Variants in RORA observed in about 807,000 individuals in gnomAD.
The protein encoded by RORA is nuclear receptor ROR-alpha.
Under a neutral mutation model 69.5 loss-of-function variants are expected in RORA, and 7 were observed. The observed-to-expected ratio is 0.10, with a 90% CI of 0.06 to 0.19. The LOEUF (loss-of-function observed/expected upper bound fraction) is 0.19, where lower values mean the gene tolerates loss of function less well. RORA is among the 10% of genes least tolerant of loss of function. RORA has a pLI of 1.00. For missense variants in RORA, 457 were observed against 663.0 expected (o/e 0.69, Z 3.41); for synonymous variants, 261 against 240.8 (o/e 1.08, Z -0.78).
chr15:60,503,408 A>G (rs957192370), intron 7 of RORA, 127 bp downstream of exon 7: 10 of 845,426 alleles, frequency 1.2e-5, no homozygotes, highest in Non-Finnish European at 1.8e-5. Context: ...ATTTCTGCTA[A>G]GAAAAACCTG....
In RORA at chr15:60,501,047, A is replaced by G. The variant is rs747409337; in HGVS notation, c.1206T>C (p.Phe402=). The G allele has an allele frequency of 1.2e-6, 2 of 1,602,310 alleles. No individual in the cohort carries two copies. Among genetic ancestry groups the G allele is most frequent in the Non-Finnish European group, 1.7e-6 (2 of 1,170,262 alleles). The part of the protein sequence containing the change: ...KSLGCEDFIS[F]VFEFGKSLCS... ...ATAAACTCTTTCCAAATTCAAACACAAAGCTAATAAAGTCTTCACAACCTG... is the reference window on the plus strand; with the variant it reads ...ATAAACTCTTTCCAAATTCAAACACGAAGCTAATAAAGTCTTCACAACCTG... Residue 402 remains phenylalanine, a synonymous_variant, in exon 9 of 11, where the codon TTT becomes TTC. Transcript: ENST00000335670.
At chr15:60,569,261 T>TAAAAAAAAA (rs60382168) in intron 2 of RORA, among the ~76,000 whole-genome samples, 7 of 89,612 alleles carry the variant, frequency 7.8e-5, no homozygotes, top group Non-Finnish European at 7.9e-5. Context: ...TTTAAAAAAT[T>TAAAAAAAAA]AAAAAAAAAA....
At chr15:60,763,403 A>G (rs1400173249) in intron 1 of RORA, among the ~76,000 whole-genome samples, 2 of 152,168 alleles carry the variant, frequency 1.3e-5, no homozygotes, top group Admixed American at 1.3e-4. Flanking sequence ...TGCAAGAAAA[A>G]AAGTTCCCTT....
chr15:60,838,921 C>T (rs2073158875), intron 1 of RORA, among the ~76,000 whole-genome samples: 1 of 149,450 alleles, frequency 6.7e-6, no homozygotes, highest in Non-Finnish European at 1.5e-5. Flanking sequence ...GGGTGTCTCA[C>T]TCTGTCACTC....
At chr15:60,648,252 TA>T (rs1181617965) in intron 2 of RORA, among the ~76,000 whole-genome samples, 19 of 152,258 alleles carry the variant, frequency 1.2e-4, no homozygotes, top group African/African-American at 4.6e-4. Context: ...TATATGAACA[TA>T]TTAAAGAAGG....
At chr15:61,186,959 G>C (rs1329809890) in intron 1 of RORA, among the ~76,000 whole-genome samples, 2 of 152,230 alleles carry the variant, frequency 1.3e-5, no homozygotes, top group Non-Finnish European at 2.9e-5. Flanking sequence ...CAATCTTGGA[G>C]GCAGCTGAGA....
At chr15:60,693,215 CA>C (rs1852959417) in intron 1 of RORA, among the ~76,000 whole-genome samples, 1 of 152,130 alleles carries the variant, frequency 6.6e-6, no homozygotes, top group African/African-American at 2.4e-5. Context: ...ATTATCTCAG[CA>C]GATGCAGAAA....
intron 1 of RORA, among the ~76,000 whole-genome samples, chr15:60,804,176 T>G (rs1567197000): frequency 6.7e-6 from 1 of 150,302 alleles, no homozygotes; most frequent in Non-Finnish European, 1.5e-5. Context: ...TAATCCCAGC[T>G]ACTTGGGAGG....
At position 60,774,684 on chromosome 15, in the gene RORA, T is replaced by C. The variant is rs747014455; in HGVS notation, c.167-95998A>G. ...CTTCCTTTACACTAAACTCATGAGA[T>C]ACACCACATTGGCCACTGGTATTTC... On this transcript the variant is annotated intron_variant, in intron 1 of 10. Transcript: ENST00000335670. Among the ~76,000 whole-genome samples, 5 of 152,190 alleles carry C rather than the reference T, an allele frequency of 3.3e-5. No homozygotes were observed. The South Asian group carries it at 1.0e-3, about 32-fold the overall frequency.
intron 1 of RORA, among the ~76,000 whole-genome samples, chr15:61,032,269 C>A (rs1012942570): frequency 6.6e-6 from 1 of 152,060 alleles, no homozygotes; most frequent in Non-Finnish European, 1.5e-5. Flanking sequence ...AAAATGTGAC[C>A]CAAATGTAAT....
chr15:60,703,026 A>G (rs1002732769), intron 1 of RORA, among the ~76,000 whole-genome samples: 1 of 152,146 alleles, frequency 6.6e-6, no homozygotes, highest in Non-Finnish European at 1.5e-5. Flanking sequence ...TTAATTGCAA[A>G]GTAATTAAGT....
intron 1 of RORA, among the ~76,000 whole-genome samples, chr15:61,170,769 T>C (rs780286126): frequency 6.6e-6 from 1 of 152,220 alleles, no homozygotes. Flanking sequence ...TGGTTGTTAA[T>C]GCTTAGTTAG....
intron 1 of RORA, among the ~76,000 whole-genome samples, chr15:61,188,780 G>C (rs1289360335): frequency 2.6e-5 from 4 of 152,142 alleles, no homozygotes; most frequent in African/African-American, 9.7e-5. Context: ...TAGCAAAGAG[G>C]GGTCTCAAAA....
At chr15:60,589,309 C>A (rs773414302) in intron 2 of RORA, among the ~76,000 whole-genome samples, 34 of 152,214 alleles carry the variant, frequency 2.2e-4, no homozygotes, top group Non-Finnish European at 4.4e-4. Flanking sequence ...AGGAGTCTTG[C>A]ATTTGCACAT....
intron 2 of RORA, among the ~76,000 whole-genome samples, chr15:60,613,946 G>GAA (rs35116092): frequency 0.18 from 26,365 of 142,996 alleles, 2,951 homozygotes; most frequent in African/African-American, 0.33. Flanking sequence ...GAAATTATGT[G>GAA]AAAAAAAAAA....
chr15:60,970,836 C>G (rs1376296188), intron 1 of RORA, among the ~76,000 whole-genome samples: 1 of 152,050 alleles, frequency 6.6e-6, no homozygotes. Context: ...AAGAAAATCA[C>G]ACTCTAAAAT....
Position 60,990,135 on chromosome 15 carries a change from A to G in RORA, c.166+238918T>C, listed in dbSNP as rs1980303. Among the ~76,000 whole-genome samples the G allele has an allele frequency of 5.6e-3, 848 of 152,328 alleles. 13 individuals carry two copies. Among genetic ancestry groups the G allele is most frequent in the African/African-American group, 0.02 (813 of 41,584 alleles). On this transcript the variant is annotated intron_variant, in intron 1 of 10. Coordinates refer to ENST00000335670, the MANE Select transcript of RORA (RefSeq NM_134261.3). The stretch of plus-strand genomic sequence containing the variant: ...AGGAAAATCAATAGCAGCAGACTTT[A>G]TCTTGTTAGATCAAATATAACTTTT...
At chr15:60,916,117 G>C (rs1399597804) in intron 1 of RORA, among the ~76,000 whole-genome samples, 1 of 152,234 alleles carries the variant, frequency 6.6e-6, no homozygotes, top group African/African-American at 2.4e-5. Context: ...GGTGAGGAGT[G>C]ATGGAGACAA....
At chr15:60,701,340 T>TA (rs1016936657) in intron 1 of RORA, among the ~76,000 whole-genome samples, 1 of 152,072 alleles carries the variant, frequency 6.6e-6, no homozygotes, top group Non-Finnish European at 1.5e-5. Flanking sequence ...AGAAGTAGTG[T>TA]AAAAAAAGCT....
Sources: gnomAD v4.1 joint callset for allele counts (sites outside exome capture counted in the v4.1 genomes callset) on GRCh38, gnomAD v4.1.1 for gene constraint, MANE v1.5 for transcripts, NCBI Gene and HGNC (gene_info 2026-07-23, HGNC 2026-07-21) for gene names.